The following WEE2 variants were observed in gnomAD, a reference collection of about 807,000 sequenced individuals.
WEE2 encodes the protein WEE2 oocyte meiosis inhibiting kinase.
WEE2 carries 50 observed loss-of-function variants against 60.1 expected under a neutral mutation model. That is an observed-to-expected ratio of 0.83 (90% CI 0.66 to 1.05). The LOEUF is 1.05. Among genes scored for constraint, WEE2 ranks in the 50% least tolerant of loss-of-function variants. The probability of loss-of-function intolerance (pLI) is 0.00; values close to 1 mark genes in which losing one functional copy is unlikely to be tolerated. For missense variants in WEE2, 631 were observed against 684.3 expected (o/e 0.92, Z 0.87); for synonymous variants, 240 against 241.0 (o/e 1.00, Z 0.04).
chr7:141,714,459 A>T (rs1386389762), intron 2 of WEE2, 54 bp downstream of exon 2: 2 of 1,347,196 alleles, frequency 1.5e-6, no homozygotes, highest in East Asian at 4.7e-5. Flanking sequence ...ACAGTCAAGT[A>T]GTAAGAAGTG....
At chr7:141,727,149 G>T (rs1744121549) in intron 9 of WEE2, 155 bp from the exon 10 acceptor site, 1 of 723,432 alleles carries the variant, frequency 1.4e-6, no homozygotes, top group Non-Finnish European at 2.3e-6. Context: ...TCCTGCCCCA[G>T]GTGGAGCTCA....
chr7:141,725,074 A>G lies in WEE2; in HGVS notation c.1270A>G (p.Ile424Val). 1.2e-6 allele frequency: 2 copies of G among 1,614,118 alleles called. No homozygotes were observed. Among genetic ancestry groups the G allele is most frequent in the African/African-American group, 1.3e-5 (1 of 75,034 alleles). ...KADIFALGLT[I>V]AVAAGAESLP... is the part of the protein sequence containing the mutation. ...AGACATATTTGCCTTGGGATTAACA[A>G]TTGCAGTGGCTGCAGGAGCAGAGTC... Residue 424 changes from isoleucine (I) to valine (V), a missense_variant, in exon 9 of 12, where the codon ATT becomes GTT. Coordinates refer to ENST00000397541, the MANE Select transcript of WEE2 (RefSeq NM_001105558.1).
intron 3 of WEE2, among the ~76,000 whole-genome samples, chr7:141,718,724 T>G (rs547702994): frequency 1.3e-5 from 2 of 152,220 alleles, no homozygotes; most frequent in South Asian, 4.1e-4. Context: ...TCCACCCAGG[T>G]CCCAGTTATT....
At chr7:141,730,114 C>T (rs1196548750) in intron 11 of WEE2, among the ~76,000 whole-genome samples, 181 bp from the exon 12 acceptor site, 1 of 152,038 alleles carries the variant, frequency 6.6e-6, no homozygotes, top group African/African-American at 2.4e-5. Context: ...AACTTGAATG[C>T]CCAAGGATTT....
chr7:141,728,367 A>G (rs1799058777), intron 10 of WEE2, among the ~76,000 whole-genome samples: 1 of 152,096 alleles, frequency 6.6e-6, no homozygotes, highest in Non-Finnish European at 1.5e-5. Flanking sequence ...AGCATCCCTA[A>G]CCTGATTTCT....
Position 141,708,974 on chromosome 7 carries a change from A to G in WEE2, c.216A>G (p.Lys72=). 3 of 1,614,078 alleles carry G rather than the reference A, an allele frequency of 1.9e-6. No individual in the cohort carries two copies. The South Asian group carries it at 3.3e-5, about 18-fold the overall frequency. Residue 72 remains lysine, a synonymous_variant, in exon 1 of 12, where the codon AAA becomes AAG. Transcript: ENST00000397541. ...ATGAGCTCGACACATCTTCGGAAAA[A>G]GACAAAGAAAGTCCAGATCAGATTT... ...NVHELDTSSE[K]DKESPDQILR...
At chr7:141,724,959 G>C (rs1209444461) in intron 8 of WEE2, 67 bp from the exon 9 acceptor site, 2 of 1,542,766 alleles carry the variant, frequency 1.3e-6, no homozygotes, top group African/African-American at 2.8e-5. Context: ...TTTCCTACCA[G>C]TTATATTTTA....
intron 8 of WEE2, 107 bp from the exon 9 acceptor site, chr7:141,724,919 G>A (rs1798983860): frequency 7.7e-7 from 1 of 1,305,216 alleles, no homozygotes; most frequent in Non-Finnish European, 1.1e-6. Flanking sequence ...CGTCGTGTCT[G>A]TTTAAACCTT....
chr7:141,724,047 T>G lies in WEE2; in HGVS notation c.1134T>G (p.Ile378Met). Residue 378 changes from isoleucine to methionine, a missense_variant and splice_region_variant, in exon 7 of 12, where the codon ATT (isoleucine) becomes ATG (methionine). Ile to Met is a conservative substitution (Grantham distance 10, BLOSUM62 1). Coordinates refer to ENST00000397541, the MANE Select transcript of WEE2 (RefSeq NM_001105558.1). ...WFLSANVMYK[I>M]GDLGHATSIN... Reference sequence around the variant, plus strand: ...TCTCTGCCAATGTGATGTATAAAATTGGTTAGTCTGCCTTATAGCCTTACC... The same window carrying G: ...TCTCTGCCAATGTGATGTATAAAATGGGTTAGTCTGCCTTATAGCCTTACC... 1 of 1,610,196 alleles carries G rather than the reference T, an allele frequency of 6.2e-7. No individual in the cohort carries two copies. Among genetic ancestry groups the G allele is most frequent in the Non-Finnish European group, 8.5e-7 (1 of 1,177,230 alleles).
intron 9 of WEE2, 52 bp from the exon 10 acceptor site, chr7:141,727,252 T>C: frequency 1.3e-6 from 2 of 1,569,502 alleles, no homozygotes; most frequent in Non-Finnish European, 1.7e-6. Flanking sequence ...ATGGGAAGAT[T>C]TTTCCCAATA....
intron 8 of WEE2, 95 bp from the exon 9 acceptor site, chr7:141,724,931 T>A: frequency 7.2e-7 from 1 of 1,387,556 alleles, no homozygotes. Context: ...TTAAACCTTA[T>A]ATGCACTCGA....
In WEE2 at chr7:141,711,419, T is replaced by A. The variant is rs1798709556; in HGVS notation, c.342+2319T>A. Among the ~76,000 whole-genome samples the A allele has an allele frequency of 6.6e-6, 1 of 152,124 alleles. No individual in the cohort carries two copies. The highest frequency in any genetic ancestry group is 2.1e-4 in the South Asian group (1 of 4,820). ...AGTACATACTTTATGAAAACACAGTTTGCGTTAGAGGAAAGAGGCTTGATG... is the reference window on the plus strand; with the variant it reads ...AGTACATACTTTATGAAAACACAGTATGCGTTAGAGGAAAGAGGCTTGATG... On this transcript the variant is annotated intron_variant, in intron 1 of 11. Coordinates refer to ENST00000397541, the MANE Select transcript of WEE2 (RefSeq NM_001105558.1). The surrounding 1 kb of genome is among the most constrained non-coding windows in gnomAD (Gnocchi z 4.2).
chr7:141,727,143 GCC>G (rs1221927121), intron 9 of WEE2, 159 bp from the exon 10 acceptor site: 2 of 689,220 alleles, frequency 2.9e-6, no homozygotes, highest in African/African-American at 3.6e-5. Flanking sequence ...CAATCCTCCT[GCC>G]CCAGGTGGAG....
At chr7:141,729,368 T>C (rs1799082452) in intron 10 of WEE2, among the ~76,000 whole-genome samples, 163 bp from the exon 11 acceptor site, 1 of 152,272 alleles carries the variant, frequency 6.6e-6, no homozygotes, top group South Asian at 2.1e-4. Flanking sequence ...AACCATTTTT[T>C]ATGACAACCA....
intron 8 of WEE2, 84 bp from the exon 9 acceptor site, chr7:141,724,942 A>G (rs754500204): frequency 2.7e-6 from 4 of 1,487,378 alleles, no homozygotes; most frequent in Non-Finnish European, 3.6e-6. Flanking sequence ...ATGCACTCGA[A>G]TGAACCTTTC....
At position 141,727,373 on chromosome 7, in the gene WEE2, C is replaced by T; in HGVS notation, c.1462C>T (p.Pro488Ser). ...TCTGGCCAGAAATACAGTTCTCCGGCCTTCCCTGGGAAAAACAGAAGAGCT... is the reference window on the plus strand; with the variant it reads ...TCTGGCCAGAAATACAGTTCTCCGGTCTTCCCTGGGAAAAACAGAAGAGCT... The part of the protein sequence containing the change: ...AALARNTVLR[P>S]SLGKTEELQQ... The change falls in exon 10 of 12, where the codon CCT (proline) becomes TCT (serine). Residue 488 changes from proline (P) to serine (S), a missense_variant. By Grantham distance (74) the Pro-to-Ser change is moderately conservative. Transcript: ENST00000397541. 6.2e-7 allele frequency: 1 copy of T among 1,614,140 alleles called. No individual in the cohort carries two copies. Among genetic ancestry groups the T allele is most frequent in the Non-Finnish European group, 8.5e-7 (1 of 1,180,026 alleles).
chr7:141,712,724 A>G (rs1406733744), intron 1 of WEE2, among the ~76,000 whole-genome samples: 1 of 152,156 alleles, frequency 6.6e-6, no homozygotes, highest in Non-Finnish European at 1.5e-5. Context: ...GGCCCCTTAT[A>G]CTTTCTTTGA....
intron 3 of WEE2, among the ~76,000 whole-genome samples, chr7:141,717,088 G>A (rs984574372): frequency 7.2e-5 from 11 of 152,152 alleles, no homozygotes; most frequent in African/African-American, 2.4e-4. Flanking sequence ...GAAAACATGC[G>A]TATGTTAATG....
intron 9 of WEE2, among the ~76,000 whole-genome samples, chr7:141,726,381 A>G (rs565507451): frequency 6.6e-6 from 1 of 152,192 alleles, no homozygotes; most frequent in East Asian, 1.9e-4. Flanking sequence ...CCTGGGCTCG[A>G]GCAATCCTCC....
Sources: allele counts gnomAD v4.1 joint callset (sites outside exome capture counted in the v4.1 genomes callset), GRCh38; gene constraint gnomAD v4.1.1; non-coding constraint Gnocchi (gnomAD v3.1); transcripts MANE v1.5; gene names NCBI Gene and HGNC (gene_info 2026-07-23, HGNC 2026-07-21).